Variants in ATXN1 observed in about 807,000 individuals in gnomAD.
ATXN1 encodes ataxin-1.
In ATXN1, 8 loss-of-function variants were observed where a neutral mutation model predicts 56.4. That is an observed-to-expected ratio of 0.14 (90% CI 0.08 to 0.26). The LOEUF (loss-of-function observed/expected upper bound fraction) is 0.26, where lower values mean the gene tolerates loss of function less well. Among genes scored for constraint, ATXN1 ranks in the 10% least tolerant of loss-of-function variants. The probability of loss-of-function intolerance (pLI) is 1.00; values close to 1 mark genes in which losing one functional copy is unlikely to be tolerated. For missense variants in ATXN1, 987 were observed against 1,106.5 expected, an observed-to-expected ratio of 0.89 and a Z score of 1.53; for synonymous variants, 514 against 494.6, an observed-to-expected ratio of 1.04 and a Z score of -0.52.
chr6:16,506,925 C>T lies in ATXN1; in HGVS notation c.-299+15702G>A, dbSNP rs956390841. ...ACCAAAGGATGTAGGGATGTATGTACAGCTGGATGGATGAATGGACAGATG... is the reference window on the plus strand; with the variant it reads ...ACCAAAGGATGTAGGGATGTATGTATAGCTGGATGGATGAATGGACAGATG... On this transcript the variant is annotated intron_variant, in intron 5 of 7. Transcript: ENST00000436367. The surrounding 1 kb of genome is among the most constrained non-coding windows in gnomAD (Gnocchi z 4.1). Among the ~76,000 whole-genome samples the T allele has an allele frequency of 5.8e-4, 88 of 152,258 alleles. No homozygotes were observed. The highest frequency in any genetic ancestry group is 2.1e-3 in the African/African-American group (87 of 41,550).
chr6:16,669,371 T>C (rs1758492468), intron 2 of ATXN1, among the ~76,000 whole-genome samples: 1 of 152,218 alleles, frequency 6.6e-6, no homozygotes, highest in African/African-American at 2.4e-5. Flanking sequence ...TTTGTATACA[T>C]CACTCTTGGT....
At chr6:16,542,904 GTCTC>G (rs372686797) in intron 4 of ATXN1, among the ~76,000 whole-genome samples, 7 of 151,288 alleles carry the variant, frequency 4.6e-5, no homozygotes, top group East Asian at 1.9e-4. Context: ...TGAATGTGGT[GTCTC>G]TCTCTCTCTC....
At chr6:16,482,041 T>G (rs1760450773) in intron 6 of ATXN1, among the ~76,000 whole-genome samples, 2 of 151,892 alleles carry the variant, frequency 1.3e-5, no homozygotes, top group South Asian at 2.1e-4. Context: ...AATTGTTCCC[T>G]CCTCACATTT....
At chr6:16,624,607 A>G (rs1029362808) in intron 3 of ATXN1, among the ~76,000 whole-genome samples, 3 of 152,190 alleles carry the variant, frequency 2.0e-5, no homozygotes, top group Admixed American at 6.5e-5. Context: ...TCTGCACCAT[A>G]GATTGAGCAT....
intron 4 of ATXN1, among the ~76,000 whole-genome samples, chr6:16,559,747 T>C (rs1317611292): frequency 6.6e-6 from 1 of 152,082 alleles, no homozygotes; most frequent in Non-Finnish European, 1.5e-5. Flanking sequence ...ACAATATTAA[T>C]GCTTCAAAAA....
intron 6 of ATXN1, among the ~76,000 whole-genome samples, chr6:16,337,842 C>T (rs1256120817): frequency 1.3e-5 from 2 of 152,180 alleles, no homozygotes; most frequent in Non-Finnish European, 2.9e-5. Context: ...TCTTCATTAT[C>T]TTATTTCAAG....
intron 3 of ATXN1, among the ~76,000 whole-genome samples, chr6:16,609,816 G>A (rs1763072458): frequency 6.6e-6 from 1 of 152,110 alleles, no homozygotes; most frequent in African/African-American, 2.4e-5. Flanking sequence ...ATAGAAACAA[G>A]TTTCAGACAA....
rs574897458 is a variant in ATXN1 at position 16,760,426 on chromosome 6, C to G, written c.-730+872G>C. On this transcript the variant is annotated intron_variant, in intron 1 of 7. Transcript: ENST00000436367. The surrounding 1 kb of genome is among the most constrained non-coding windows in gnomAD (Gnocchi z 5.3). ...GCTCCCGGCTCCGGGCGGCGGCTGC[C>G]GCTGCACATGATCAGGAAGCGGCCG... 4.2e-4 allele frequency among the ~76,000 whole-genome samples: 64 copies of G among 151,510 alleles called. No individual in the cohort carries two copies. Among genetic ancestry groups the G allele is most frequent in the African/African-American group, 1.4e-3 (60 of 41,434 alleles).
intron 3 of ATXN1, among the ~76,000 whole-genome samples, chr6:16,642,424 C>A (rs995797229): frequency 6.6e-6 from 1 of 151,998 alleles, no homozygotes; most frequent in African/African-American, 2.4e-5. Context: ...ACAAAAAAAC[C>A]AGTGGTTTCA....
intron 3 of ATXN1, among the ~76,000 whole-genome samples, chr6:16,633,796 G>T (rs2113812881): frequency 6.6e-6 from 1 of 152,332 alleles, no homozygotes; most frequent in South Asian, 2.1e-4. Flanking sequence ...CTCAAGGCAA[G>T]GGTGTGAAGC....
At chr6:16,758,394 G>A (rs1337033299) in intron 1 of ATXN1, among the ~76,000 whole-genome samples, 1 of 152,200 alleles carries the variant, frequency 6.6e-6, no homozygotes, top group African/African-American at 2.4e-5. Context: ...TTGTTGATCT[G>A]TTCACAATAA....
chr6:16,320,188 A>G (rs1167013463), intron 7 of ATXN1, among the ~76,000 whole-genome samples: 1 of 152,150 alleles, frequency 6.6e-6, no homozygotes, highest in Non-Finnish European at 1.5e-5. Flanking sequence ...TTCAATGCAT[A>G]ATGTTACCAC....
chr6:16,676,570 C>G (rs372090891), intron 2 of ATXN1, among the ~76,000 whole-genome samples: 38 of 152,256 alleles, frequency 2.5e-4, no homozygotes, highest in African/African-American at 9.1e-4. Flanking sequence ...CACTCTCCAT[C>G]TAGTTGTGGG....
chr6:16,618,738 A>G (rs1305056706), intron 3 of ATXN1, among the ~76,000 whole-genome samples: 3 of 151,116 alleles, frequency 2.0e-5, no homozygotes, highest in African/African-American at 4.9e-5. Flanking sequence ...AAAAAAAAAA[A>G]GGATTCAACT....
chr6:16,669,469 G>A lies in ATXN1; in HGVS notation c.-614-11568C>T, dbSNP rs12660684. ...TGTTTCCTGATGTTGCCATTTTAGT[G>A]TATTTTAAGTATTTACTTATGGCAA... On this transcript the variant is annotated intron_variant, in intron 2 of 7. Coordinates refer to ENST00000436367, the MANE Select transcript of ATXN1 (RefSeq NM_001128164.2). 9.6e-3 allele frequency among the ~76,000 whole-genome samples: 1,457 copies of A among 152,242 alleles called. 15 individuals are homozygous for A. Among genetic ancestry groups the A allele is most frequent in the Middle Eastern group, 0.061 (18 of 294 alleles).
At chr6:16,715,074 T>C (rs1274465741) in intron 2 of ATXN1, among the ~76,000 whole-genome samples, 1 of 152,104 alleles carries the variant, frequency 6.6e-6, no homozygotes, top group African/African-American at 2.4e-5. Flanking sequence ...CTGGCCCCAT[T>C]ATTTCTCACT....
intron 4 of ATXN1, among the ~76,000 whole-genome samples, chr6:16,530,756 A>C (rs1761488337): frequency 3.3e-5 from 5 of 152,214 alleles, no homozygotes; most frequent in Admixed American, 3.3e-4. Flanking sequence ...CTTAAAATAT[A>C]AGTTAAATGA....
chr6:16,343,972 G>C (rs1313793292), intron 6 of ATXN1, among the ~76,000 whole-genome samples: 1 of 152,196 alleles, frequency 6.6e-6, no homozygotes, highest in African/African-American at 2.4e-5. Context: ...ACTGTCACCT[G>C]TTTTCTAATG....
At chr6:16,400,888 C>T (rs552696838) in intron 6 of ATXN1, among the ~76,000 whole-genome samples, 3 of 152,258 alleles carry the variant, frequency 2.0e-5, no homozygotes, top group South Asian at 2.1e-4. Context: ...TTCCCACATG[C>T]TGGTCTGAGA....
Sources: allele counts gnomAD v4.1 joint callset (sites outside exome capture counted in the v4.1 genomes callset), GRCh38; gene constraint gnomAD v4.1.1; non-coding constraint Gnocchi (gnomAD v3.1); transcripts MANE v1.5; gene names NCBI Gene and HGNC (gene_info 2026-07-23, HGNC 2026-07-21).